EYS: variants seen among roughly 807,000 people sequenced by gnomAD.
EYS encodes the protein protein eyes shut homolog.
In EYS, 250 loss-of-function variants were observed where a neutral mutation model predicts 282.1. The observed-to-expected ratio is 0.89, with a 90% CI of 0.80 to 0.98. EYS has a LOEUF of 0.98. Ranked by LOEUF, EYS falls within the 50% of genes least tolerant of loss-of-function variation. EYS has a pLI of 0.00. For missense variants in EYS, 4,016 were observed against 3,709.0 expected (o/e 1.08, Z -2.15); for synonymous variants, 1,355 against 1,282.9 (o/e 1.06, Z -1.20).
intron 12 of EYS, among the ~76,000 whole-genome samples, chr6:65,126,822 G>C (rs138673340): frequency 1.1e-3 from 169 of 152,190 alleles, no homozygotes; most frequent in South Asian, 2.3e-3. Context: ...AAAAGCCTGG[G>C]GGATGGTGCT....
chr6:64,097,254 G>T (rs998913524), intron 31 of EYS, among the ~76,000 whole-genome samples: 2 of 152,136 alleles, frequency 1.3e-5, no homozygotes, highest in African/African-American at 4.8e-5. Context: ...GCTGTGTGCT[G>T]GGAGAACCAT....
intron 26 of EYS, among the ~76,000 whole-genome samples, chr6:64,542,984 G>A (rs1001972774): frequency 1.3e-5 from 2 of 152,012 alleles, no homozygotes; most frequent in Non-Finnish European, 2.9e-5. Context: ...CAATGTCCTA[G>A]GAAATTGATG....
Position 65,099,838 on chromosome 6 carries a change from C to A in EYS, c.2024-42111G>T, listed in dbSNP as rs919907587. ...CAGAGGGTTTGGTAATTCTCAATAA[C>A]TTATTTTATCAAAGGCAAAAGACAA... is the stretch of plus-strand genomic sequence containing the variant. On this transcript the variant is annotated intron_variant, in intron 12 of 42. Transcript: ENST00000503581. Among the ~76,000 whole-genome samples, 8 of 150,634 alleles carry A rather than the reference C, an allele frequency of 5.3e-5. No individual in the cohort carries two copies. The East Asian group carries it at 1.6e-3, about 29-fold the overall frequency.
chr6:64,791,127 G>T (rs1299213896), intron 22 of EYS, among the ~76,000 whole-genome samples: 1 of 151,648 alleles, frequency 6.6e-6, no homozygotes, highest in African/African-American at 2.4e-5. Context: ...ATAGCTCATT[G>T]TTTTGCATAA....
intron 1 of EYS, among the ~76,000 whole-genome samples, chr6:65,682,377 A>T (rs1035736399): frequency 6.6e-6 from 1 of 151,976 alleles, no homozygotes; most frequent in African/African-American, 2.4e-5. Context: ...TCTCTGACCC[A>T]AAAGGAAACC....
intron 12 of EYS, among the ~76,000 whole-genome samples, chr6:65,096,696 C>T (rs1774749373): frequency 6.6e-6 from 1 of 150,970 alleles, no homozygotes; most frequent in South Asian, 2.1e-4. Flanking sequence ...TAAACTCATG[C>T]ATATTTGGTC....
At chr6:64,111,326 G>A (rs537487946) in intron 31 of EYS, among the ~76,000 whole-genome samples, 1 of 151,922 alleles carries the variant, frequency 6.6e-6, no homozygotes, top group Admixed American at 6.6e-5. Flanking sequence ...TACAGAGAAG[G>A]TATTATAAAG....
chr6:65,068,925 C>A (rs1050522209), intron 12 of EYS, among the ~76,000 whole-genome samples: 10 of 151,290 alleles, frequency 6.6e-5, no homozygotes, highest in African/African-American at 2.2e-4. Flanking sequence ...CTGCACTCCT[C>A]TAATATCTAA....
chr6:64,997,823 A>T (rs115062003), intron 13 of EYS, 120 bp from the exon 14 acceptor site: 13,756 of 815,820 alleles, frequency 0.017, 168 homozygotes, highest in Middle Eastern at 0.034. Flanking sequence ...ATAAAGTAAG[A>T]ATTATTATAT....
intron 39 of EYS, among the ~76,000 whole-genome samples, chr6:63,784,928 C>G (rs1457886178): frequency 6.6e-6 from 1 of 152,110 alleles, no homozygotes; most frequent in African/African-American, 2.4e-5. Context: ...TCAAAGATGA[C>G]AGTAAGCCTG....
chr6:64,031,748 G>A (rs563884633), intron 33 of EYS, among the ~76,000 whole-genome samples: 4 of 147,378 alleles, frequency 2.7e-5, no homozygotes, highest in East Asian at 2.1e-4. Context: ...GTGGTGACAC[G>A]TGTGTCTAGC....
chr6:64,631,760 T>C (rs2149861727), intron 22 of EYS: 1 of 152,192 alleles, frequency 6.6e-6, no homozygotes, highest in African/African-American at 2.4e-5. Flanking sequence ...GTGTCTGGTA[T>C]CATACAACCG....
At position 65,511,409 on chromosome 6, in the gene EYS, T is replaced by C. The variant is rs545690885; in HGVS notation, c.-332-15416A>G. Among the ~76,000 whole-genome samples, 72 of 151,710 alleles carry C rather than the reference T, an allele frequency of 4.7e-4. 1 individual carries two copies. Among genetic ancestry groups the C allele is most frequent in the Non-Finnish European group, 7.4e-4 (50 of 67,868 alleles). ...AGAAAAGAGAGATCTAAAATTTAAA[T>C]ACTCACCTATCTAGGACCTAAGGTT... is the stretch of plus-strand genomic sequence containing the variant. On this transcript the variant is annotated intron_variant, in intron 2 of 42. Transcript: ENST00000503581.
rs536970242 is a variant in EYS, at chr6:65,152,781, T to C, written c.2024-95054A>G. 5.8e-4 allele frequency among the ~76,000 whole-genome samples: 88 copies of C among 151,834 alleles called. 1 individual carries two copies. The highest frequency in any genetic ancestry group is 2.0e-3 in the African/African-American group (84 of 41,486). On this transcript the variant is annotated intron_variant, in intron 12 of 42. Coordinates refer to ENST00000503581, the MANE Select transcript of EYS (RefSeq NM_001142800.2). ...ATAAAATATATAAATATATGAATCA[T>C]AGATAAAACAATGTAAAATAAAAAA...
At chr6:64,975,220 A>T (rs185295154) in intron 14 of EYS, among the ~76,000 whole-genome samples, 1 of 151,852 alleles carries the variant, frequency 6.6e-6, no homozygotes, top group East Asian at 1.9e-4. Flanking sequence ...TTATTGAATA[A>T]GATATAAAAA....
chr6:64,551,531 G>A (rs1232638292), intron 26 of EYS, among the ~76,000 whole-genome samples: 1 of 149,230 alleles, frequency 6.7e-6, no homozygotes, highest in Non-Finnish European at 1.5e-5. Context: ...TCAGCCAAGT[G>A]CATTCTTTTT....
chr6:65,324,721 C>A (rs1020599667), intron 11 of EYS, among the ~76,000 whole-genome samples: 1 of 152,130 alleles, frequency 6.6e-6, no homozygotes, highest in Non-Finnish European at 1.5e-5. Context: ...ATCAGAGGAC[C>A]CTGGCTCTGC....
At chr6:64,095,345 A>G (rs1384776512) in intron 31 of EYS, among the ~76,000 whole-genome samples, 1 of 152,058 alleles carries the variant, frequency 6.6e-6, no homozygotes, top group Non-Finnish European at 1.5e-5. Flanking sequence ...TCTAATGTTG[A>G]CAGTGGGGTG....
chr6:64,902,024 C>T, intron 18 of EYS, 89 bp downstream of exon 18: 2 of 829,372 alleles, frequency 2.4e-6, no homozygotes, highest in South Asian at 3.4e-5. Context: ...TGATCAGCTG[C>T]CTTAGTTACA....
Sources: allele counts gnomAD v4.1 joint callset (sites outside exome capture counted in the v4.1 genomes callset), GRCh38; gene constraint gnomAD v4.1.1; transcripts MANE v1.5; gene names NCBI Gene and HGNC (gene_info 2026-07-23, HGNC 2026-07-21).